The following RNF180 variants were observed in gnomAD, a reference collection of about 807,000 sequenced individuals.
RNF180 encodes ring finger protein 180.
In RNF180, 38 loss-of-function variants were observed where a neutral mutation model predicts 59.2. The observed-to-expected ratio is 0.64, with a 90% CI of 0.50 to 0.84. The LOEUF is 0.84. Among genes scored for constraint, RNF180 ranks in the 40% least tolerant of loss-of-function variants. The pLI, the probability that RNF180 is intolerant of heterozygous loss-of-function variation, is 0.00. For missense variants in RNF180, 705 were observed against 700.9 expected, an observed-to-expected ratio of 1.01 and a Z score of -0.07; for synonymous variants, 262 against 240.3, an observed-to-expected ratio of 1.09 and a Z score of -0.84.
chr5:64,200,796 A>G lies in RNF180; in HGVS notation c.1-12A>G. On this transcript the variant is annotated splice_polypyrimidine_tract_variant and intron_variant, in intron 1 of 7. Coordinates refer to ENST00000389100, the MANE Select transcript of RNF180 (RefSeq NM_001113561.2). Reference sequence around the variant, plus strand: ...AGTTTAACATTCTAAAAATGCACTAATGTTTCCGCAGATGAAAAGAAGCAA... The same window carrying G: ...AGTTTAACATTCTAAAAATGCACTAGTGTTTCCGCAGATGAAAAGAAGCAA... 6.2e-7 allele frequency: 1 copy of G among 1,608,372 alleles called. No homozygotes were observed. Among genetic ancestry groups the G allele is most frequent in the Non-Finnish European group, 8.5e-7 (1 of 1,176,302 alleles).
chr5:64,267,956 A>G (rs966946933), intron 5 of RNF180, among the ~76,000 whole-genome samples: 4 of 152,188 alleles, frequency 2.6e-5, no homozygotes, highest in African/African-American at 7.2e-5. Context: ...TACAATTTAA[A>G]TAGAGATTAG....
intron 5 of RNF180, among the ~76,000 whole-genome samples, chr5:64,236,773 C>G (rs1375549585): frequency 6.6e-6 from 1 of 152,168 alleles, no homozygotes. Context: ...CCCAGCTGCT[C>G]TAGCCCCAGA....
chr5:64,293,255 G>C (rs755027474), intron 5 of RNF180, among the ~76,000 whole-genome samples: 14 of 152,142 alleles, frequency 9.2e-5, no homozygotes, highest in Admixed American at 8.5e-4. Flanking sequence ...TCCTGGGGGG[G>C]CTGTTGTCCC....
chr5:64,213,489 GA>G (rs375332267), intron 3 of RNF180, 68 bp from the exon 4 acceptor site: 70 of 1,455,646 alleles, frequency 4.8e-5, no homozygotes, highest in African/African-American at 8.5e-5. Flanking sequence ...TGGCTTTAAA[GA>G]AAAAAAAATT....
chr5:64,361,801 T>C (rs1385567091), intron 7 of RNF180, among the ~76,000 whole-genome samples: 1 of 151,490 alleles, frequency 6.6e-6, no homozygotes, highest in Non-Finnish European at 1.5e-5. Flanking sequence ...AATCCTTTTT[T>C]AGAATGAAGT....
chr5:64,342,864 G>A (rs996992255), intron 7 of RNF180, among the ~76,000 whole-genome samples: 5 of 152,128 alleles, frequency 3.3e-5, no homozygotes, highest in African/African-American at 1.2e-4. Flanking sequence ...TCCCATTAAA[G>A]AAATGAGGCA....
chr5:64,178,623 A>C (rs570882316), intron 1 of RNF180, among the ~76,000 whole-genome samples: 1 of 152,342 alleles, frequency 6.6e-6, no homozygotes, highest in East Asian at 1.9e-4. Flanking sequence ...GATGCATTGC[A>C]TATGAAACGC....
intron 7 of RNF180, among the ~76,000 whole-genome samples, chr5:64,346,012 T>C (rs1197432297): frequency 6.6e-6 from 1 of 152,038 alleles, no homozygotes; most frequent in Non-Finnish European, 1.5e-5. Flanking sequence ...AAGTAAAATT[T>C]GAATTTCTCA....
chr5:64,349,934 A>G lies in RNF180; in HGVS notation c.1579+19528A>G, dbSNP rs142785438. ...TGTCTTTATAGCAGCATGATTTATAATCCTTTGGGTATATACCCAGTGTAT... is the reference window on the plus strand; with the variant it reads ...TGTCTTTATAGCAGCATGATTTATAGTCCTTTGGGTATATACCCAGTGTAT... On this transcript the variant is annotated intron_variant, in intron 7 of 7. Transcript: ENST00000389100. 6.7e-3 allele frequency among the ~76,000 whole-genome samples: 1,015 copies of G among 152,216 alleles called. 6 individuals are homozygous for G. The highest frequency in any genetic ancestry group is 0.02 in the African/African-American group (848 of 41,530).
At chr5:64,303,920 G>T (rs1376811827) in intron 5 of RNF180, among the ~76,000 whole-genome samples, 1 of 151,566 alleles carries the variant, frequency 6.6e-6, no homozygotes, top group Non-Finnish European at 1.5e-5. Context: ...TCAAAGGATA[G>T]GCTTACTCTC....
chr5:64,297,459 CT>C (rs965262613), intron 5 of RNF180, among the ~76,000 whole-genome samples: 9 of 151,678 alleles, frequency 5.9e-5, no homozygotes, highest in South Asian at 2.1e-4. Context: ...AGAAGGGCTT[CT>C]TTTTTTGGTA....
At chr5:64,168,735 C>A (rs190288333) in intron 1 of RNF180, among the ~76,000 whole-genome samples, 144 of 152,052 alleles carry the variant, frequency 9.5e-4, no homozygotes, top group Non-Finnish European at 1.5e-3. Context: ...GCAATATAGC[C>A]TCAAAATATA....
chr5:64,352,921 T>C (rs955756197), intron 7 of RNF180, among the ~76,000 whole-genome samples: 10 of 151,916 alleles, frequency 6.6e-5, no homozygotes, highest in Admixed American at 3.9e-4. Flanking sequence ...GCTACGGCCT[T>C]CTTTTTTTAT....
At chr5:64,224,954 T>G (rs1741587534) in intron 5 of RNF180, among the ~76,000 whole-genome samples, 1 of 152,210 alleles carries the variant, frequency 6.6e-6, no homozygotes, top group African/African-American at 2.4e-5. Context: ...CCACACCAAA[T>G]GCTGGTCCCT....
intron 7 of RNF180, among the ~76,000 whole-genome samples, chr5:64,349,013 T>G (rs1745672500): frequency 6.6e-6 from 1 of 152,088 alleles, no homozygotes; most frequent in South Asian, 2.1e-4. Context: ...TAATTCCTTG[T>G]TTTGTTTAAA....
At chr5:64,236,123 A>C (rs934983927) in intron 5 of RNF180, among the ~76,000 whole-genome samples, 1 of 152,228 alleles carries the variant, frequency 6.6e-6, no homozygotes, top group African/African-American at 2.4e-5. Context: ...AAGATGTGGG[A>C]AAGTTTGAAA....
At chr5:64,210,118 T>A (rs1172253828) in intron 2 of RNF180, among the ~76,000 whole-genome samples, 1 of 152,150 alleles carries the variant, frequency 6.6e-6, no homozygotes, top group Non-Finnish European at 1.5e-5. Flanking sequence ...GTCTCTGGGT[T>A]CTTAAGTTTA....
chr5:64,341,420 C>CTGT (rs1745349199), intron 7 of RNF180, among the ~76,000 whole-genome samples: 1 of 152,080 alleles, frequency 6.6e-6, no homozygotes, highest in African/African-American at 2.4e-5. Flanking sequence ...TCAAACTGGA[C>CTGT]TGTTGATATC....
At chr5:64,357,401 G>A (rs377353845) in intron 7 of RNF180, among the ~76,000 whole-genome samples, 93 of 151,574 alleles carry the variant, frequency 6.1e-4, no homozygotes, top group African/African-American at 1.6e-3. Flanking sequence ...CCTTTTATCC[G>A]TCCCATCATA....
Sources: gnomAD v4.1 joint callset for allele counts (sites outside exome capture counted in the v4.1 genomes callset) on GRCh38, gnomAD v4.1.1 for gene constraint, MANE v1.5 for transcripts, NCBI Gene and HGNC (gene_info 2026-07-23, HGNC 2026-07-21) for gene names.